CPS1: variants seen among roughly 807,000 people sequenced by gnomAD.
CPS1 encodes carbamoyl-phosphate synthase [ammonia], mitochondrial.
Under a neutral mutation model 174.6 loss-of-function variants are expected in CPS1, and 109 were observed. That is an observed-to-expected ratio of 0.62 (90% CI 0.53 to 0.73). The LOEUF is 0.73. CPS1 is among the 30% of genes least tolerant of loss of function. The pLI is 0.00. For synonymous variants in CPS1, 637 were observed against 632.0 expected (o/e 1.01, Z -0.12); for missense variants, 1,689 against 1,821.9 (o/e 0.93, Z 1.33).
chr2:210,646,097 T>C (rs918243959), intron 25 of CPS1, among the ~76,000 whole-genome samples: 1 of 152,184 alleles, frequency 6.6e-6, no homozygotes, highest in Admixed American at 6.5e-5. Context: ...AAGCTCCTAT[T>C]TAGTCTAATT....
intron 1 of CPS1, among the ~76,000 whole-genome samples, chr2:210,507,890 G>A (rs962730331): frequency 3.3e-5 from 5 of 150,702 alleles, no homozygotes; most frequent in Non-Finnish European, 7.5e-5. Flanking sequence ...AGTCCTTAGA[G>A]ACCTACAAAG....
chr2:210,619,876 A>G (rs1219948949), intron 21 of CPS1: 1 of 151,368 alleles, frequency 6.6e-6, no homozygotes, highest in Non-Finnish European at 1.5e-5. Context: ...TGAGTCCCAA[A>G]TAGACTATAC....
At chr2:210,614,882 CG>C in intron 20 of CPS1, among the ~76,000 whole-genome samples, 1 of 132,514 alleles carries the variant, frequency 7.5e-6, no homozygotes, top group East Asian at 2.2e-4. Flanking sequence ...CGGGGCCTGT[CG>C]GGGGGTGGGG....
At chr2:210,664,523 G>A (rs1321734129) in intron 33 of CPS1, among the ~76,000 whole-genome samples, 1 of 151,980 alleles carries the variant, frequency 6.6e-6, no homozygotes, top group Non-Finnish European at 1.5e-5. Flanking sequence ...ATTTTTAGTA[G>A]AGATGGCGTT....
chr2:210,492,918 C>A (rs2007748), intron 1 of CPS1, among the ~76,000 whole-genome samples: 133 of 151,822 alleles, frequency 8.8e-4, no homozygotes, highest in African/African-American at 3.2e-3. Flanking sequence ...CAGAATATAG[C>A]GGCTGGGCTA....
chr2:210,486,250 A>T (rs946699311), intron 1 of CPS1, among the ~76,000 whole-genome samples: 1 of 151,822 alleles, frequency 6.6e-6, no homozygotes, highest in African/African-American at 2.4e-5. Flanking sequence ...TATTTACTTA[A>T]TATTATTCAT....
chr2:210,489,220 C>A (rs916113550), intron 1 of CPS1, among the ~76,000 whole-genome samples: 1 of 152,126 alleles, frequency 6.6e-6, no homozygotes, highest in Non-Finnish European at 1.5e-5. Context: ...ATATATATTG[C>A]AGAATTTAAA....
intron 21 of CPS1, among the ~76,000 whole-genome samples, chr2:210,620,510 G>A (rs1185810153): frequency 6.6e-6 from 1 of 152,060 alleles, no homozygotes; most frequent in South Asian, 2.1e-4. Context: ...TTTATGAAGA[G>A]GTTTAATTGG....
intron 34 of CPS1, chr2:210,673,042 A>C (rs1701365670): frequency 6.6e-6 from 1 of 152,214 alleles, no homozygotes; most frequent in Non-Finnish European, 1.5e-5. Flanking sequence ...TTATTGTCAC[A>C]GTTCCTAGTT....
rs941366546 is a variant in CPS1 at position 210,637,851 on chromosome 2, A to G, written c.2829+8A>G. On this transcript the variant is annotated splice_region_variant and intron_variant, in intron 22 of 37. Transcript: ENST00000233072. Reference sequence around the variant, plus strand: ...CACCCTTGGGTTAAACAGGTAAAGGAGTTTCCCTTTTCCCCCATCCCCCAC... The same window carrying G: ...CACCCTTGGGTTAAACAGGTAAAGGGGTTTCCCTTTTCCCCCATCCCCCAC... 3.1e-6 allele frequency: 5 copies of G among 1,613,730 alleles called. No individual in the cohort carries two copies. The highest frequency in any genetic ancestry group is 1.7e-5 in the Admixed American group (1 of 60,006).
chr2:210,548,415 T>C (rs1696619999), intron 1 of CPS1, among the ~76,000 whole-genome samples: 1 of 152,070 alleles, frequency 6.6e-6, no homozygotes, highest in African/African-American at 2.4e-5. Flanking sequence ...TAATGCAAGA[T>C]AAATTAGCAA....
chr2:210,499,688 C>T (rs904918427), intron 1 of CPS1, among the ~76,000 whole-genome samples: 1 of 152,170 alleles, frequency 6.6e-6, no homozygotes, highest in Non-Finnish European at 1.5e-5. Flanking sequence ...TCCAAGTTAG[C>T]TCCAGGACTT....
At chr2:210,610,457 T>C (rs1007691766) in intron 19 of CPS1, among the ~76,000 whole-genome samples, 4 of 151,958 alleles carry the variant, frequency 2.6e-5, no homozygotes, top group Non-Finnish European at 4.4e-5. Flanking sequence ...TTGTCTGCAG[T>C]TGGTAAATTC....
chr2:210,652,838 T>C (rs1485174167), intron 28 of CPS1, among the ~76,000 whole-genome samples: 1 of 152,004 alleles, frequency 6.6e-6, no homozygotes, highest in Non-Finnish European at 1.5e-5. Context: ...AAGCAATCAC[T>C]GAGGGAGAGA....
chr2:210,590,956 C>G (rs780472297), intron 9 of CPS1, 50 bp downstream of exon 9: 6 of 1,427,798 alleles, frequency 4.2e-6, no homozygotes, highest in Non-Finnish European at 5.9e-6. Flanking sequence ...GACATACTAA[C>G]TAAATACAAA....
At chr2:210,591,460 T>C (rs1398978638) in intron 9 of CPS1, among the ~76,000 whole-genome samples, 1 of 152,068 alleles carries the variant, frequency 6.6e-6, no homozygotes, top group Non-Finnish European at 1.5e-5. Context: ...ATCTCTTTGT[T>C]ATCTCCCTAT....
At position 210,611,644 on chromosome 2, in the gene CPS1, G is replaced by A. The variant is rs187780988; in HGVS notation, c.2392-473G>A. Among the ~76,000 whole-genome samples the A allele has an allele frequency of 7.1e-4, 108 of 152,034 alleles. 3 individuals carry two copies. In the East Asian group the frequency reaches 0.014, roughly 19 times the overall value. On this transcript the variant is annotated intron_variant, in intron 19 of 37. Transcript: ENST00000233072. The stretch of plus-strand genomic sequence containing the variant: ...GTTCTATTAATATTAATGCTTAGCT[G>A]TAAGGAAAGCCAACCTGTCTTGAAT...
chr2:210,577,563 C>T, intron 4 of CPS1, 53 bp downstream of exon 4: 2 of 1,320,058 alleles, frequency 1.5e-6, no homozygotes, highest in East Asian at 2.3e-5. Context: ...TGAGAAGGTG[C>T]CTGTAGATTC....
At chr2:210,526,687 G>C (rs1290235112) in intron 1 of CPS1, among the ~76,000 whole-genome samples, 1 of 151,928 alleles carries the variant, frequency 6.6e-6, no homozygotes, top group Non-Finnish European at 1.5e-5. Context: ...AGAGGTTACT[G>C]TTAAAAAGTG....
Sources: gnomAD v4.1 joint callset for allele counts (sites outside exome capture counted in the v4.1 genomes callset) on GRCh38, gnomAD v4.1.1 for gene constraint, MANE v1.5 for transcripts, NCBI Gene and HGNC (gene_info 2026-07-23, HGNC 2026-07-21) for gene names.